CEP20: variants seen among roughly 807,000 people sequenced by gnomAD.
The protein encoded by CEP20 is centrosomal protein 20.
In CEP20, 18 loss-of-function variants were observed where a neutral mutation model predicts 20.0. The observed-to-expected ratio is 0.90, with a 90% CI of 0.62 to 1.34. The LOEUF is 1.34. Among genes scored for constraint, CEP20 ranks in the 40% most tolerant of loss-of-function variants. The probability of loss-of-function intolerance (pLI) is 0.00; values close to 1 mark genes in which losing one functional copy is unlikely to be tolerated. For missense variants in CEP20, 215 were observed against 201.6 expected, an observed-to-expected ratio of 1.07 and a Z score of -0.40; for synonymous variants, 77 against 73.7, an observed-to-expected ratio of 1.04 and a Z score of -0.23.
At chr16:15,877,922 T>C (rs143080979) in intron 3 of CEP20, among the ~76,000 whole-genome samples, 1,823 of 152,160 alleles carry the variant, frequency 0.012, 40 homozygotes, top group African/African-American at 0.039. Context: ...TAGCTGGGCA[T>C]GGTGGTGCAC....
At chr16:15,874,180 ATGC>A (rs2044888717) in intron 3 of CEP20, among the ~76,000 whole-genome samples, 1 of 152,222 alleles carries the variant, frequency 6.6e-6, no homozygotes, top group Non-Finnish European at 1.5e-5. Context: ...TAGGGCTGTT[ATGC>A]ACTAAATGAG....
intron 1 of CEP20, 62 bp from the exon 2 acceptor site, chr16:15,884,267 TTTGAAAAGAAATG>T: frequency 6.8e-7 from 1 of 1,473,452 alleles, no homozygotes; most frequent in Non-Finnish European, 9.2e-7. Flanking sequence ...TTAGGCATAC[TTTGAAAAGAAATG>T]TTGAAAAGGT....
At chr16:15,888,532 G>C in intron 1 of CEP20, 26 bp downstream of exon 1, 3 of 1,614,104 alleles carry the variant, frequency 1.9e-6, no homozygotes, top group African/African-American at 1.3e-5. Flanking sequence ...CGCTTCCCAT[G>C]TGGAGGCCTC....
At chr16:15,876,236 G>A (rs2044944389) in intron 3 of CEP20, among the ~76,000 whole-genome samples, 3 of 151,028 alleles carry the variant, frequency 2.0e-5, no homozygotes, top group Admixed American at 2.0e-4. Flanking sequence ...CTAGCACTTT[G>A]GGAGGCCGAG....
chr16:15,867,428 C>T lies in CEP20; in HGVS notation c.*12G>A. Reference sequence around the variant, plus strand: ...ATACAATTTTAAGACAAAAGATACCCCAAACAAAGCATTATCTGTTGACTG... The same window carrying T: ...ATACAATTTTAAGACAAAAGATACCTCAAACAAAGCATTATCTGTTGACTG... On this transcript the variant is annotated 3_prime_UTR_variant, in exon 5 of 5. Coordinates refer to ENST00000255759, the MANE Select transcript of CEP20 (RefSeq NM_144600.4). 6.4e-7 allele frequency: 1 copy of T among 1,563,162 alleles called. No individual in the cohort carries two copies. The highest frequency in any genetic ancestry group is 8.7e-7 in the Non-Finnish European group (1 of 1,151,134).
rs1188523652 is a variant in CEP20, at chr16:15,866,093, A to G, written c.*1347T>C. 1 of 152,032 alleles carries G rather than the reference A, an allele frequency of 6.6e-6. No individual in the cohort carries two copies. 9.4% of individuals were successfully genotyped at this position (152,032 alleles called of 1,614,324 possible). A position where few individuals can be genotyped will look rare whatever the true frequency, so the allele number is the denominator to read the frequency against. On this transcript the variant is annotated 3_prime_UTR_variant, in exon 5 of 5. Transcript: ENST00000255759. Reference sequence around the variant, plus strand: ...GGACTCTTGCAATACTTCTGCATCCATATATAATTTTACCAGCAGGGCCTC... The same window carrying G: ...GGACTCTTGCAATACTTCTGCATCCGTATATAATTTTACCAGCAGGGCCTC...
In CEP20 at chr16:15,867,407, A is replaced by C; in HGVS notation, c.*33T>G. The C allele has an allele frequency of 6.6e-7, 1 of 1,504,502 alleles. No homozygotes were observed. Among genetic ancestry groups the C allele is most frequent in the Non-Finnish European group, 9.0e-7 (1 of 1,106,868 alleles). 93.2% of individuals were successfully genotyped at this position (1,504,502 alleles called of 1,614,324 possible). ...AAATAAGTTATTTAATTAATAATAC[A>C]ATTTTAAGACAAAAGATACCCCAAA... is the stretch of plus-strand genomic sequence containing the variant. On this transcript the variant is annotated 3_prime_UTR_variant, in exon 5 of 5. Coordinates refer to ENST00000255759, the MANE Select transcript of CEP20 (RefSeq NM_144600.4).
In CEP20 at chr16:15,882,298, T is replaced by C. The variant is rs372562684; in HGVS notation, c.226+1710A>G. Among the ~76,000 whole-genome samples the C allele has an allele frequency of 5.5e-4, 84 of 152,138 alleles. 1 individual carries two copies. Among genetic ancestry groups the C allele is most frequent in the African/African-American group, 1.9e-3 (80 of 41,486 alleles). ...GGCTCACGCCTGTAATCCCAACATT[T>C]TGGGAGGCCGAGGAGGGCGGATCAC... On this transcript the variant is annotated intron_variant, in intron 2 of 4. Coordinates refer to ENST00000255759, the MANE Select transcript of CEP20 (RefSeq NM_144600.4).
chr16:15,872,957 T>C (rs1320446508), intron 4 of CEP20, among the ~76,000 whole-genome samples: 1 of 152,042 alleles, frequency 6.6e-6, no homozygotes, highest in East Asian at 1.9e-4. Flanking sequence ...CCTTTTATTT[T>C]GCAGTCATGG....
At chr16:15,880,506 C>G (rs1163388755) in intron 2 of CEP20, among the ~76,000 whole-genome samples, 1 of 152,192 alleles carries the variant, frequency 6.6e-6, no homozygotes, top group African/African-American at 2.4e-5. Flanking sequence ...TGCCCATCAA[C>G]TGGTCATAGA....
At chr16:15,871,143 C>T (rs927928001) in intron 4 of CEP20, among the ~76,000 whole-genome samples, 11 of 151,926 alleles carry the variant, frequency 7.2e-5, no homozygotes, top group African/African-American at 2.7e-4. Context: ...ATGCCTGCAG[C>T]CCCAGCTACT....
At chr16:15,887,863 G>T (rs1276858206) in intron 1 of CEP20, among the ~76,000 whole-genome samples, 1 of 152,048 alleles carries the variant, frequency 6.6e-6, no homozygotes, top group Non-Finnish European at 1.5e-5. Context: ...AGGGGGCCAA[G>T]GCAGGAGGAT....
intron 4 of CEP20, 70 bp from the exon 5 acceptor site, chr16:15,867,586 C>G (rs2151417761): frequency 2.0e-6 from 2 of 994,944 alleles, no homozygotes; most frequent in East Asian, 2.5e-5. Flanking sequence ...GACATAGCTA[C>G]AAATATCTTA....
Position 15,867,098 on chromosome 16 carries a change from C to T in CEP20, c.*342G>A, listed in dbSNP as rs545852143. ...TGGCACAGGCCTGTTTTCCCAGCTA[C>T]TTGGGAGGCTGAGGCAGGAGAATCA... is the stretch of plus-strand genomic sequence containing the variant. On this transcript the variant is annotated 3_prime_UTR_variant, in exon 5 of 5. Coordinates refer to ENST00000255759, the MANE Select transcript of CEP20 (RefSeq NM_144600.4). The T allele has an allele frequency of 2.2e-4, 40 of 181,504 alleles. No homozygotes were observed. The highest frequency in any genetic ancestry group is 4.7e-5 in the Non-Finnish European group (4 of 85,516). The allele number at this position is 181,504 out of a possible 1,614,324, so 11.2% of individuals were successfully genotyped here.
intron 3 of CEP20, among the ~76,000 whole-genome samples, chr16:15,874,985 G>C (rs2044908564): frequency 6.6e-6 from 1 of 152,190 alleles, no homozygotes; most frequent in Non-Finnish European, 1.5e-5. Context: ...GAAGCAGATA[G>C]TTCAGCCACA....
In CEP20 at chr16:15,882,784, T is replaced by TACACACACACACACAC. The variant is rs71388769; in HGVS notation, c.226+1208_226+1223dup. On this transcript the variant is annotated intron_variant, in intron 2 of 4. Coordinates refer to ENST00000255759, the MANE Select transcript of CEP20 (RefSeq NM_144600.4). ...CTATCTATCTATCTATCTATCTAGA[T>TACACACACACACACAC]ACACACACACACACACACAAATAGA... Among the ~76,000 whole-genome samples, 869 of 149,846 alleles carry TACACACACACACACAC rather than the reference T, an allele frequency of 5.8e-3. 6 individuals are homozygous for TACACACACACACACAC. The highest frequency in any genetic ancestry group is 0.039 in the East Asian group (199 of 5,072).
intron 4 of CEP20, among the ~76,000 whole-genome samples, chr16:15,867,973 CA>C (rs34250443): frequency 0.19 from 13,189 of 69,662 alleles, 489 homozygotes; most frequent in African/African-American, 0.23. Context: ...AACTCGGTCT[CA>C]AAAAAAAAAA....
Position 15,866,055 on chromosome 16 carries a change from A to T in CEP20, c.*1385T>A, listed in dbSNP as rs998828562. ...CAATGTAATCAGATATTGCAGATTT[A>T]AAAATGGAAAATGGACTCTTGCAAT... On this transcript the variant is annotated 3_prime_UTR_variant, in exon 5 of 5. Transcript: ENST00000255759. The T allele has an allele frequency of 5.9e-5, 9 of 152,210 alleles. No homozygotes were observed. The highest frequency in any genetic ancestry group is 6.5e-5 in the Admixed American group (1 of 15,270). 9.4% of individuals were successfully genotyped at this position (152,210 alleles called of 1,614,324 possible).
chr16:15,878,758 T>C (rs567049110), intron 3 of CEP20, among the ~76,000 whole-genome samples: 10 of 152,158 alleles, frequency 6.6e-5, no homozygotes, highest in African/African-American at 2.4e-4. Flanking sequence ...CCTCAGCCTC[T>C]GAAGTGCTGG....
Sources: allele counts gnomAD v4.1 joint callset (sites outside exome capture counted in the v4.1 genomes callset), GRCh38; gene constraint gnomAD v4.1.1; transcripts MANE v1.5; gene names NCBI Gene and HGNC (gene_info 2026-07-23, HGNC 2026-07-21).